SFMBT1: variants seen among roughly 807,000 people sequenced by gnomAD.
SFMBT1 encodes scm-like with four MBT domains protein 1.
In SFMBT1, 32 loss-of-function variants were observed where a neutral mutation model predicts 108.7. The observed-to-expected ratio is 0.29, with a 90% CI of 0.22 to 0.40. SFMBT1 has a LOEUF of 0.40. Among genes scored for constraint, SFMBT1 ranks in the 10% least tolerant of loss-of-function variants. The pLI is 1.00. For synonymous variants in SFMBT1, 348 were observed against 369.5 expected, an observed-to-expected ratio of 0.94 and a Z score of 0.67; for missense variants, 816 against 1,059.6, an observed-to-expected ratio of 0.77 and a Z score of 3.19.
Position 52,921,770 on chromosome 3 carries a change from G to A in SFMBT1, c.1193C>T (p.Pro398Leu). 1 of 1,614,070 alleles carries A rather than the reference G, an allele frequency of 6.2e-7. No individual in the cohort carries two copies. The highest frequency in any genetic ancestry group is 8.5e-7 in the Non-Finnish European group (1 of 1,180,002). Residue 398 changes from proline (P) to leucine (L), a missense_variant, in exon 11 of 21, where the codon CCT becomes CTT. Physicochemically the swap from Pro to Leu is moderately conservative, Grantham distance 98. This residue lies in a region of SFMBT1 where 495 missense variants were observed against 607.4 expected (regional missense o/e 0.81). Transcript: ENST00000394752. ...GATGGTAGCAACACACACTTCTTCAGGGAGAATGGGGTTCACCGCCTCGAG... is the reference window on the plus strand; with the variant it reads ...GATGGTAGCAACACACACTTCTTCAAGGAGAATGGGGTTCACCGCCTCGAG... ...MKLEAVNPIL[P>L]EEVCVATITA...
intron 1 of SFMBT1, among the ~76,000 whole-genome samples, chr3:52,990,702 G>A (rs1012448110): frequency 2.6e-5 from 4 of 152,134 alleles, no homozygotes; most frequent in Non-Finnish European, 4.4e-5. Context: ...AGGAAAGAAG[G>A]ATGGATGGAA....
At chr3:52,943,231 G>A (rs1434590551) in intron 4 of SFMBT1, 122 bp downstream of exon 4, 2 of 1,148,584 alleles carry the variant, frequency 1.7e-6, no homozygotes, top group Non-Finnish European at 2.5e-6. Context: ...CACTCAAAAT[G>A]CTAACCTAGA....
At chr3:52,961,554 C>T (rs1703962198) in intron 2 of SFMBT1, among the ~76,000 whole-genome samples, 1 of 152,068 alleles carries the variant, frequency 6.6e-6, no homozygotes, top group South Asian at 2.1e-4. Flanking sequence ...GCTGCAAGAC[C>T]CCACCGCTTT....
In SFMBT1 at chr3:52,954,018, G is replaced by A. The variant is rs568036231; in HGVS notation, c.123+299C>T. On this transcript the variant is annotated intron_variant, in intron 3 of 20. Coordinates refer to ENST00000394752, the MANE Select transcript of SFMBT1 (RefSeq NM_016329.4). ...CAGGCGCCTGTAGTCCCAGCTACTC[G>A]GGAGGCTGAGGCAGGAGAATGGCGT... Among the ~76,000 whole-genome samples the A allele has an allele frequency of 3.5e-3, 531 of 152,138 alleles. 3 individuals carry two copies. Among genetic ancestry groups the A allele is most frequent in the Non-Finnish European group, 4.1e-3 (277 of 67,974 alleles).
chr3:52,989,114 T>C (rs1033063243), intron 1 of SFMBT1, among the ~76,000 whole-genome samples: 2 of 152,168 alleles, frequency 1.3e-5, no homozygotes, highest in Non-Finnish European at 2.9e-5. Flanking sequence ...TTTCTATTCT[T>C]TCCTTAAAAA....
At chr3:53,011,256 C>T (rs535129201) in intron 1 of SFMBT1, among the ~76,000 whole-genome samples, 22 of 152,188 alleles carry the variant, frequency 1.4e-4, no homozygotes, top group African/African-American at 5.1e-4. Context: ...GAAGGCATTC[C>T]CAGCAGGCCA....
chr3:52,928,315 C>T lies in SFMBT1; in HGVS notation c.924G>A (p.Val308=), dbSNP rs1197680261. ...VKVFDEKYFL[V]EMDDLRPENH... is the part of the protein sequence containing the mutation. ...TCTCAGGACGCAAGTCATCCATTTC[C>T]ACCAGAAAGTACTTCTCATCAAAAA... Residue 308 remains valine, a synonymous_variant, in exon 9 of 21, where the codon GTG becomes GTA. Coordinates refer to ENST00000394752, the MANE Select transcript of SFMBT1 (RefSeq NM_016329.4). The T allele has an allele frequency of 6.2e-7, 1 of 1,613,992 alleles. No individual in the cohort carries two copies. The highest frequency in any genetic ancestry group is 1.7e-5 in the Admixed American group (1 of 60,008).
chr3:52,910,723 A>C (rs1054175543), intron 17 of SFMBT1, among the ~76,000 whole-genome samples: 5 of 152,138 alleles, frequency 3.3e-5, no homozygotes, highest in African/African-American at 1.2e-4. Context: ...TCCTGACCTC[A>C]AGTGATCCGC....
rs546867769 is a variant in SFMBT1 at position 53,005,730 on chromosome 3, G to T, written c.-130-36472C>A. 1.6e-4 allele frequency among the ~76,000 whole-genome samples: 24 copies of T among 152,296 alleles called. 1 individual carries two copies. The highest frequency in any genetic ancestry group is 4.3e-4 in the African/African-American group (18 of 41,560). ...TCAGGCACAGTGACTAGACCAATTT[G>T]GCTGGGGTACTTTTTCTCCTTTGTT... On this transcript the variant is annotated intron_variant, in intron 1 of 20. Coordinates refer to ENST00000394752, the MANE Select transcript of SFMBT1 (RefSeq NM_016329.4).
intron 14 of SFMBT1, among the ~76,000 whole-genome samples, chr3:52,913,839 C>A (rs1399891821): frequency 1.3e-5 from 2 of 152,152 alleles, no homozygotes; most frequent in African/African-American, 2.4e-5. Flanking sequence ...AATTAACATG[C>A]TGATTAGTTC....
chr3:52,918,377 T>A, intron 13 of SFMBT1, 107 bp downstream of exon 13: 3 of 850,588 alleles, frequency 3.5e-6, no homozygotes, highest in South Asian at 3.6e-5. Flanking sequence ...AATGTTGAAT[T>A]AAAAAATTAT....
chr3:52,972,637 G>A (rs1043137571), intron 1 of SFMBT1, among the ~76,000 whole-genome samples: 4 of 151,928 alleles, frequency 2.6e-5, no homozygotes, highest in African/African-American at 9.7e-5. Context: ...GCCTGGTGAG[G>A]TGGCTCACGC....
intron 1 of SFMBT1, among the ~76,000 whole-genome samples, chr3:53,040,148 T>C (rs1189188464): frequency 3.3e-5 from 5 of 152,274 alleles, no homozygotes; most frequent in African/African-American, 1.2e-4. Flanking sequence ...AGCACTCTAG[T>C]CTGGGGAGCA....
chr3:53,036,355 G>A (rs916332231), intron 1 of SFMBT1, among the ~76,000 whole-genome samples: 2 of 152,194 alleles, frequency 1.3e-5, no homozygotes, highest in Non-Finnish European at 2.9e-5. Context: ...TGAACAAAGG[G>A]TTCCACAACT....
chr3:52,956,054 C>T (rs552163035), intron 2 of SFMBT1, among the ~76,000 whole-genome samples: 13 of 152,266 alleles, frequency 8.5e-5, no homozygotes, highest in South Asian at 2.1e-4. Flanking sequence ...GTTCAACAGA[C>T]GCAAATCAAT....
At chr3:52,945,144 A>AAAAAAAAAAAAAAAAAAAAAAAAC (rs1404137330) in intron 3 of SFMBT1, among the ~76,000 whole-genome samples, 1 of 147,772 alleles carries the variant, frequency 6.8e-6, no homozygotes, top group Non-Finnish European at 1.5e-5. Flanking sequence ...ATTAAAAAAA[A>AAAAAAAAAAAAAAAAAAAAAAAAC]AAAAAAACAA....
chr3:52,906,388 C>T (rs1702066129), intron 19 of SFMBT1, 147 bp from the exon 20 acceptor site: 2 of 1,096,998 alleles, frequency 1.8e-6, no homozygotes. Flanking sequence ...GGCAAAGACC[C>T]ACGTGCATCA....
chr3:53,011,996 G>C (rs568442841), intron 1 of SFMBT1, among the ~76,000 whole-genome samples: 4 of 152,216 alleles, frequency 2.6e-5, no homozygotes, highest in Non-Finnish European at 4.4e-5. Context: ...CACAAAAAAA[G>C]AGAGGTAGGA....
chr3:52,970,009 G>A (rs1704282462), intron 1 of SFMBT1, among the ~76,000 whole-genome samples: 2 of 152,016 alleles, frequency 1.3e-5, no homozygotes, highest in African/African-American at 4.8e-5. Context: ...AGGCTGAGGT[G>A]GGAGGATGGC....
Sources: gnomAD v4.1 joint callset for allele counts (sites outside exome capture counted in the v4.1 genomes callset) on GRCh38, gnomAD v4.1.1 for gene constraint, gnomAD v4.1.1 regional missense constraint, MANE v1.5 for transcripts, NCBI Gene and HGNC (gene_info 2026-07-23, HGNC 2026-07-21) for gene names.